The following FOCAD variants were observed in gnomAD, a reference collection of about 807,000 sequenced individuals.
FOCAD encodes focadhesin.
Under a neutral mutation model 225.6 loss-of-function variants are expected in FOCAD, and 198 were observed. That is an observed-to-expected ratio of 0.88 (90% CI 0.78 to 0.99). The LOEUF is 0.99. FOCAD is among the 50% of genes least tolerant of loss of function. The probability of loss-of-function intolerance (pLI) is 0.00; values close to 1 mark genes in which losing one functional copy is unlikely to be tolerated. For missense variants in FOCAD, 2,713 were observed against 2,123.6 expected (o/e 1.28, Z -5.46); for synonymous variants, 897 against 755.0 (o/e 1.19, Z -3.08).
intron 7 of FOCAD, among the ~76,000 whole-genome samples, chr9:20,768,343 T>G (rs1260961411): frequency 6.6e-6 from 1 of 152,070 alleles, no homozygotes; most frequent in Non-Finnish European, 1.5e-5. Context: ...TTTAAAGTAG[T>G]TTTTTTCCAA....
At chr9:20,789,736 T>G (rs77397822) in intron 11 of FOCAD, 128 bp downstream of exon 11, 25 of 1,050,722 alleles carry the variant, frequency 2.4e-5, no homozygotes, top group Non-Finnish European at 3.4e-5. Context: ...TTTTTTTTTT[T>G]GCTATCTTTA....
At chr9:20,940,215 C>T (rs1233215622) in intron 28 of FOCAD, among the ~76,000 whole-genome samples, 2 of 151,680 alleles carry the variant, frequency 1.3e-5, no homozygotes, top group East Asian at 1.9e-4. Flanking sequence ...TTTAGTTCTA[C>T]GGTTAATGAA....
At chr9:20,795,784 G>GGAA (rs1821017105) in intron 11 of FOCAD, among the ~76,000 whole-genome samples, 1 of 42,406 alleles carries the variant, frequency 2.4e-5, no homozygotes, top group Non-Finnish European at 3.9e-5. Context: ...ACTCTGTCTC[G>GGAA]AAAAAAAAAA....
In FOCAD at chr9:20,845,463, ATAT is replaced by A. The variant is rs1348759994; in HGVS notation, c.1921-17114_1921-17112del. Among the ~76,000 whole-genome samples, 144 of 148,858 alleles carry A rather than the reference ATAT, an allele frequency of 9.7e-4. 4 individuals are homozygous for A. In the South Asian group the frequency reaches 0.029, roughly 30 times the overall value. ...CCTCGATATATATATATATATATATATATGACACGTGGTATATCATTGTACATG... is the reference window on the plus strand; with the variant it reads ...CCTCGATATATATATATATATATATAGACACGTGGTATATCATTGTACATG... On this transcript the variant is annotated intron_variant, in intron 15 of 43. Coordinates refer to ENST00000338382, the MANE Select transcript of FOCAD (RefSeq NM_001375567.1).
chr9:20,882,005 T>A lies in FOCAD; in HGVS notation c.2452T>A (p.Leu818Met). Reference sequence around the variant, plus strand: ...TGTAGCAGGAATCCCCAATTTTATATTGAAAATGTATGAAACAAACAAGCA... The same window carrying A: ...TGTAGCAGGAATCCCCAATTTTATAATGAAAATGTATGAAACAAACAAGCA... ...KTVAGIPNFI[L>M]KMYETNKQPG... The change falls in exon 20 of 44, where the codon TTG (leucine) becomes ATG (methionine). Residue 818 changes from leucine to methionine, a missense_variant. By Grantham distance (15) the Leu-to-Met change is conservative (BLOSUM62 2). Coordinates refer to ENST00000338382, the MANE Select transcript of FOCAD (RefSeq NM_001375567.1). The A allele has an allele frequency of 6.2e-7, 1 of 1,613,916 alleles. No individual in the cohort carries two copies. The highest frequency in any genetic ancestry group is 8.5e-7 in the Non-Finnish European group (1 of 1,179,864).
chr9:20,911,151 G>T (rs375389873), intron 22 of FOCAD, among the ~76,000 whole-genome samples: 1 of 152,082 alleles, frequency 6.6e-6, no homozygotes, highest in South Asian at 2.1e-4. Flanking sequence ...GGACTCCTGG[G>T]AGGCCAATAT....
At chr9:20,813,871 G>T (rs939642344) in intron 11 of FOCAD, among the ~76,000 whole-genome samples, 9 of 151,962 alleles carry the variant, frequency 5.9e-5, no homozygotes, top group Non-Finnish European at 1.3e-4. Flanking sequence ...TTTCCCCTTT[G>T]GTTCTGTCAA....
chr9:20,773,680 A>G (rs545500870), intron 8 of FOCAD, among the ~76,000 whole-genome samples: 2 of 152,014 alleles, frequency 1.3e-5, no homozygotes, highest in East Asian at 3.9e-4. Context: ...ATCTCTAATC[A>G]CTGTAATATG....
At chr9:20,979,399 CA>C (rs1021394282) in intron 37 of FOCAD, among the ~76,000 whole-genome samples, 3 of 152,150 alleles carry the variant, frequency 2.0e-5, no homozygotes, top group Admixed American at 2.0e-4. Context: ...AGTGCAGTGG[CA>C]GAATCTCGAC....
chr9:20,892,685 T>A (rs1831720916), intron 21 of FOCAD, among the ~76,000 whole-genome samples: 1 of 152,126 alleles, frequency 6.6e-6, no homozygotes. Context: ...CATGTTGAAC[T>A]GACAATGCAG....
chr9:20,702,368 T>C (rs1824029677), intron 1 of FOCAD, among the ~76,000 whole-genome samples: 2 of 152,132 alleles, frequency 1.3e-5, no homozygotes, highest in Non-Finnish European at 2.9e-5. Context: ...CCTCCCAAAG[T>C]GCTGGGATTA....
At chr9:20,978,494 T>C in intron 37 of FOCAD, 40 bp downstream of exon 37, 1 of 1,357,340 alleles carries the variant, frequency 7.4e-7, no homozygotes, top group Non-Finnish European at 1.0e-6. Context: ...AGGAGGATAT[T>C]GTTCTTTAGG....
At chr9:20,971,808 A>G (rs1357926916) in intron 35 of FOCAD, among the ~76,000 whole-genome samples, 1 of 151,330 alleles carries the variant, frequency 6.6e-6, no homozygotes, top group Non-Finnish European at 1.5e-5. Context: ...TTCTTTTTCT[A>G]TGAATTTGAC....
intron 21 of FOCAD, among the ~76,000 whole-genome samples, chr9:20,903,853 A>G (rs1832743570): frequency 6.6e-6 from 1 of 151,938 alleles, no homozygotes; most frequent in Non-Finnish European, 1.5e-5. Context: ...GTTCCAAAAC[A>G]TTTCAATCTC....
intron 8 of FOCAD, among the ~76,000 whole-genome samples, chr9:20,774,575 C>G (rs920732482): frequency 6.6e-6 from 1 of 152,102 alleles, no homozygotes; most frequent in Admixed American, 6.5e-5. Context: ...TATTTACTAA[C>G]TTTAAAAAAT....
chr9:20,775,700 A>C (rs1342216199), intron 8 of FOCAD, among the ~76,000 whole-genome samples: 1 of 152,206 alleles, frequency 6.6e-6, no homozygotes, highest in African/African-American at 2.4e-5. Flanking sequence ...TCGTAGACCC[A>C]GCATATGTCC....
chr9:20,863,077 T>A (rs1828922063), intron 16 of FOCAD: 1 of 158,100 alleles, frequency 6.3e-6, no homozygotes, highest in Admixed American at 6.5e-5. Context: ...GGACAGACTC[T>A]CCAAACTTTG....
At chr9:20,691,673 G>C (rs1025485367) in intron 1 of FOCAD, among the ~76,000 whole-genome samples, 1 of 150,900 alleles carries the variant, frequency 6.6e-6, no homozygotes, top group African/African-American at 2.4e-5. Context: ...AGTAGAGACG[G>C]GTTTCACCAT....
In FOCAD at chr9:20,962,409, T is replaced by C. The variant is rs559725586; in HGVS notation, c.4132+9344T>C. ...AACATACACATATATAATATATATA[T>C]ACACACACACATACATACATACATA... On this transcript the variant is annotated intron_variant, in intron 35 of 43. Coordinates refer to ENST00000338382, the MANE Select transcript of FOCAD (RefSeq NM_001375567.1). Among the ~76,000 whole-genome samples the C allele has an allele frequency of 3.5e-4, 45 of 129,882 alleles. 1 individual carries two copies. Among genetic ancestry groups the C allele is most frequent in the Non-Finnish European group, 6.6e-4 (40 of 60,768 alleles). The allele number at this position is 129,882 out of a possible 152,430, so 85.2% of individuals were successfully genotyped here.
Sources: allele counts gnomAD v4.1 joint callset (sites outside exome capture counted in the v4.1 genomes callset), GRCh38; gene constraint gnomAD v4.1.1; transcripts MANE v1.5; gene names NCBI Gene and HGNC (gene_info 2026-07-23, HGNC 2026-07-21).